The following NCKAP5L variants were observed in gnomAD, a reference collection of about 807,000 sequenced individuals.
The protein encoded by NCKAP5L is nck-associated protein 5-like.
A neutral mutation model predicts 103.2 loss-of-function variants in NCKAP5L; 54 were observed. The ratio of observed to expected loss-of-function variants is 0.52; its 90% CI spans 0.42 to 0.66. NCKAP5L has a LOEUF of 0.66. NCKAP5L is among the 30% of genes least tolerant of loss of function. The probability of loss-of-function intolerance (pLI) is 0.00; values close to 1 mark genes in which losing one functional copy is unlikely to be tolerated. For synonymous variants in NCKAP5L, 762 were observed against 748.6 expected (o/e 1.02, Z -0.29); for missense variants, 1,733 against 1,750.6 (o/e 0.99, Z 0.18).
At chr12:49,810,406 G>A (rs1400780504) in intron 1 of NCKAP5L, among the ~76,000 whole-genome samples, 3 of 152,222 alleles carry the variant, frequency 2.0e-5, no homozygotes, top group Admixed American at 6.5e-5. Flanking sequence ...CTTATGTGCT[G>A]TGTGACTAGG....
Position 49,797,406 on chromosome 12 carries a change from G to T in NCKAP5L, c.466-12C>A, listed in dbSNP as rs758907106. On this transcript the variant is annotated splice_polypyrimidine_tract_variant and intron_variant, in intron 7 of 12. Transcript: ENST00000335999. This position sits in a 1 kb window ranked among gnomAD's most constrained non-coding sequence, Gnocchi z 4.5. ...TGCTCCCAACATACCTTAGGGGAGAGATGATGGCATGAGGAGGAGACCACA... is the reference window on the plus strand; with the variant it reads ...TGCTCCCAACATACCTTAGGGGAGATATGATGGCATGAGGAGGAGACCACA... 23 of 1,579,646 alleles carry T rather than the reference G, an allele frequency of 1.5e-5. No individual in the cohort carries two copies. Among genetic ancestry groups the T allele is most frequent in the East Asian group, 2.3e-5 (1 of 44,348 alleles).
Position 49,795,513 on chromosome 12 carries a change from C to A in NCKAP5L, c.2347G>T (p.Ala783Ser). 1.3e-6 allele frequency: 2 copies of A among 1,531,536 alleles called. No homozygotes were observed. Among genetic ancestry groups the A allele is most frequent in the African/African-American group, 1.4e-5 (1 of 72,080 alleles). The allele number at this position is 1,531,536 out of a possible 1,614,324, so 94.9% of individuals were successfully genotyped here. A position where few individuals can be genotyped will look rare whatever the true frequency, so the allele number is the denominator to read the frequency against. Residue 783 changes from alanine (A) to serine (S), a missense_variant, in exon 8 of 13, where the codon GCA becomes TCA. Coordinates refer to ENST00000335999, the MANE Select transcript of NCKAP5L (RefSeq NM_001037806.4). ...TKVELAKSRL[A>S]GALCPQVPRT... ...GGTACCTGGGGGCACAGGGCCCCTG[C>A]CAGCCGGCTCTTGGCCAGCTCCACT...
rs751242274 is a variant in NCKAP5L, at chr12:49,792,043, G to A, written c.3801C>T (p.Pro1267=). The part of the protein sequence containing the change: ...EGLPRTPMAL[P]VDRKRSQEPS... ...GCTCCTGGCTTCGCTTCCGGTCCAC[G>A]GGCAGGGCCTGGGAAAGGAGGGGCA... The change falls in exon 13 of 13, where the codon CCC becomes CCT. Residue 1267 remains proline, a synonymous_variant. Transcript: ENST00000335999. This position sits in a 1 kb window ranked among gnomAD's most constrained non-coding sequence, Gnocchi z 4.5. 1.6e-5 allele frequency: 25 copies of A among 1,544,360 alleles called. No individual in the cohort carries two copies. Among genetic ancestry groups the A allele is most frequent in the South Asian group, 7.5e-5 (6 of 80,494 alleles).
Position 49,791,743 on chromosome 12 carries a change from C to T in NCKAP5L, c.*96G>A. 1 of 1,169,876 alleles carries T rather than the reference C, an allele frequency of 8.5e-7. No individual in the cohort carries two copies. The highest frequency in any genetic ancestry group is 1.2e-6 in the Non-Finnish European group (1 of 848,212). The allele number at this position is 1,169,876 out of a possible 1,614,324, so 72.5% of individuals were successfully genotyped here. A position where few individuals can be genotyped will look rare whatever the true frequency, so the allele number is the denominator to read the frequency against. On this transcript the variant is annotated 3_prime_UTR_variant, in exon 13 of 13. Coordinates refer to ENST00000335999, the MANE Select transcript of NCKAP5L (RefSeq NM_001037806.4). The stretch of plus-strand genomic sequence containing the variant: ...TATCCACCTGCCTCCTTGGTCCCTT[C>T]AGGGAGGGGTCCCCGTCTCCGGGGG...
In NCKAP5L at chr12:49,805,193, C is replaced by A. The variant is rs939010545; in HGVS notation, c.-37+787G>T. On this transcript the variant is annotated intron_variant, in intron 2 of 12. Coordinates refer to ENST00000335999, the MANE Select transcript of NCKAP5L (RefSeq NM_001037806.4). ...TGCAAGATTGTACACCAGCCTCCCC[C>A]ACCAGACAGTCAACTCCGTGAGGGC... 3.3e-5 allele frequency: 5 copies of A among 152,396 alleles called. No homozygotes were observed. The South Asian group carries it at 6.2e-4, about 19-fold the overall frequency. The allele number at this position is 152,396 out of a possible 1,614,324, so 9.4% of individuals were successfully genotyped here. A position where few individuals can be genotyped will look rare whatever the true frequency, so the allele number is the denominator to read the frequency against.
chr12:49,816,917 A>G (rs959875607), intron 1 of NCKAP5L, among the ~76,000 whole-genome samples: 34 of 152,172 alleles, frequency 2.2e-4, no homozygotes, highest in African/African-American at 7.7e-4. Flanking sequence ...AGGAAATGCA[A>G]TGCTTGGGTA....
At chr12:49,802,030 C>T in intron 5 of NCKAP5L, 63 bp from the exon 6 acceptor site, 1 of 1,594,438 alleles carries the variant, frequency 6.3e-7, no homozygotes. Context: ...TGTCACAGTG[C>T]TCTTCATCAG....
At chr12:49,807,051 G>C (rs954974510) in intron 1 of NCKAP5L, among the ~76,000 whole-genome samples, 7 of 152,114 alleles carry the variant, frequency 4.6e-5, no homozygotes, top group African/African-American at 1.4e-4. Context: ...AGGGGTCTCC[G>C]CTATAGGGGC....
intron 1 of NCKAP5L, among the ~76,000 whole-genome samples, chr12:49,812,512 T>C (rs1215394999): frequency 2.6e-5 from 4 of 151,952 alleles, no homozygotes; most frequent in South Asian, 2.1e-4. Context: ...GCCTCCTGAG[T>C]AGATGGGACT....
Position 49,792,570 on chromosome 12 carries a change from C to T in NCKAP5L, c.3668G>A (p.Gly1223Asp), listed in dbSNP as rs747672172. ...GGCCAGCTGGACAGGAGGGGTGGGG[C>T]CTGGGTCTTCACAGGGATCTGTCCA... ...TCPDDPCEDPGPTPPVQLAKN... is the reference protein window; with the variant it reads ...TCPDDPCEDPDPTPPVQLAKN... Residue 1223 changes from glycine (G) to aspartate (D), a missense_variant, in exon 12 of 13, where the codon GGC becomes GAC. Gly to Asp is a moderately conservative substitution (Grantham distance 94). Coordinates refer to ENST00000335999, the MANE Select transcript of NCKAP5L (RefSeq NM_001037806.4). This position sits in a 1 kb window ranked among gnomAD's most constrained non-coding sequence, Gnocchi z 4.5. 6.2e-7 allele frequency: 1 copy of T among 1,613,698 alleles called. No individual in the cohort carries two copies. The highest frequency in any genetic ancestry group is 1.6e-4 in the Middle Eastern group (1 of 6,062).
chr12:49,819,685 ACT>A (rs1367752136), intron 1 of NCKAP5L, among the ~76,000 whole-genome samples: 1 of 152,202 alleles, frequency 6.6e-6, no homozygotes, highest in African/African-American at 2.4e-5. Context: ...ACATAGCAAG[ACT>A]CTGCCTCAAG....
At chr12:49,813,774 C>G (rs577066120) in intron 1 of NCKAP5L, among the ~76,000 whole-genome samples, 21 of 152,092 alleles carry the variant, frequency 1.4e-4, no homozygotes, top group African/African-American at 5.1e-4. Flanking sequence ...GTGATCTGCC[C>G]GCCTCGGCCT....
chr12:49,809,459 A>G (rs1946216339), intron 1 of NCKAP5L, among the ~76,000 whole-genome samples: 1 of 152,056 alleles, frequency 6.6e-6, no homozygotes, highest in South Asian at 2.1e-4. Context: ...TCCTCTAGGG[A>G]GAGAAGCCAG....
chr12:49,795,690 C>A lies in NCKAP5L; in HGVS notation c.2170G>T (p.Gly724Trp), dbSNP rs1217266731. The change falls in exon 8 of 13, where the codon GGG becomes TGG. Residue 724 changes from glycine to tryptophan, a missense_variant. Coordinates refer to ENST00000335999, the MANE Select transcript of NCKAP5L (RefSeq NM_001037806.4). ...CCCAAGGCCACTGCCCCCCGTATCC[C>A]CCCCTTGGCTTCTAGCTGCTCCAGT... ...RPLEQLEAKG[G>W]IRGAVALGTN... is the part of the protein sequence containing the mutation. 7 of 1,612,360 alleles carry A rather than the reference C, an allele frequency of 4.3e-6. No homozygotes were observed. Among genetic ancestry groups the A allele is most frequent in the Non-Finnish European group, 5.9e-6 (7 of 1,179,262 alleles).
At chr12:49,802,178 A>G in intron 5 of NCKAP5L, 1 of 543,538 alleles carries the variant, frequency 1.8e-6, no homozygotes, top group Non-Finnish European at 3.2e-6. Flanking sequence ...TCTAAAGTTT[A>G]TCACCCCTGG....
At position 49,795,379 on chromosome 12, in the gene NCKAP5L, C is replaced by T. The variant is rs749297799; in HGVS notation, c.2481G>A (p.Val827=). The change falls in exon 8 of 13, where the codon GTG becomes GTA. Residue 827 remains valine (V), a synonymous_variant. Coordinates refer to ENST00000335999, the MANE Select transcript of NCKAP5L (RefSeq NM_001037806.4). ...TGACTAGCGGAGCCCCAGGTCGAGG[C>T]ACCACCTTGGTTGGTGACTTGGAAG... The part of the protein sequence containing the change: ...KLPSKSPTKV[V]PRPGAPLVTK... The T allele has an allele frequency of 1.3e-6, 2 of 1,564,044 alleles. No homozygotes were observed. The highest frequency in any genetic ancestry group is 1.7e-6 in the Non-Finnish European group (2 of 1,160,192).
At chr12:49,793,093 C>T in intron 10 of NCKAP5L, 107 bp from the exon 11 acceptor site, 1 of 974,374 alleles carries the variant, frequency 1.0e-6, no homozygotes, top group East Asian at 2.6e-5. Flanking sequence ...CAGGGCCCCT[C>T]CTGGCCCAAC....
Position 49,796,250 on chromosome 12 carries a change from G to A in NCKAP5L, c.1610C>T (p.Pro537Leu). Residue 537 changes from proline to leucine, a missense_variant, in exon 8 of 13, where the codon CCC (proline) becomes CTC (leucine). Coordinates refer to ENST00000335999, the MANE Select transcript of NCKAP5L (RefSeq NM_001037806.4). Reference sequence around the variant, plus strand: ...CGTGGTGGACAAGGCTGACTGCGGGGGTCTGAGCTGTGTGGAGTCTGGGGT... The same window carrying A: ...CGTGGTGGACAAGGCTGACTGCGGGAGTCTGAGCTGTGTGGAGTCTGGGGT... ...YTTPDSTQLR[P>L]PQSALSTTLS... is the part of the protein sequence containing the mutation. 3.2e-6 allele frequency: 5 copies of A among 1,568,528 alleles called. No homozygotes were observed. The highest frequency in any genetic ancestry group is 4.3e-6 in the Non-Finnish European group (5 of 1,157,572).
rs375457127 is a variant in NCKAP5L, at chr12:49,791,897, G to A, written c.3947C>T (p.Ser1316Leu). ...GTAGAGTGAGTCACTGAGAGACTCC[G>A]AGGTCTCCAGCCCTGGGGGGCCCCC... is the stretch of plus-strand genomic sequence containing the variant. ...ASGGPPGLET[S>L]ESLSDSLYDS... The change falls in exon 13 of 13, where the codon TCG (serine) becomes TTG (leucine). Residue 1316 changes from serine to leucine, a missense_variant. Transcript: ENST00000335999. The A allele has an allele frequency of 4.0e-5, 64 of 1,612,328 alleles. No homozygotes were observed. In the East Asian group the frequency reaches 8.5e-4, roughly 21 times the overall value.
Sources: allele counts gnomAD v4.1 joint callset (sites outside exome capture counted in the v4.1 genomes callset), GRCh38; gene constraint gnomAD v4.1.1; non-coding constraint Gnocchi (gnomAD v3.1); transcripts MANE v1.5; gene names NCBI Gene and HGNC (gene_info 2026-07-23, HGNC 2026-07-21).